Variants in ADAMTS6 observed in about 807,000 individuals in gnomAD.
ADAMTS6 encodes the protein A disintegrin and metalloproteinase with thrombospondin motifs 6.
Under a neutral mutation model 144.3 loss-of-function variants are expected in ADAMTS6, and 23 were observed. That is an observed-to-expected ratio of 0.16 (90% CI 0.11 to 0.23). The LOEUF is 0.23. ADAMTS6 is among the 10% of genes least tolerant of loss of function. ADAMTS6 has a pLI of 1.00. For synonymous variants in ADAMTS6, 444 were observed against 457.5 expected (o/e 0.97, Z 0.38); for missense variants, 999 against 1,379.6 (o/e 0.72, Z 4.37).
chr5:65,457,360 A>T (rs901297141), intron 4 of ADAMTS6, among the ~76,000 whole-genome samples: 3 of 152,238 alleles, frequency 2.0e-5, no homozygotes, highest in Non-Finnish European at 4.4e-5. Flanking sequence ...AAGTGAATTA[A>T]AAACATTGAA....
At chr5:65,340,799 A>G (rs1747748169) in intron 7 of ADAMTS6, among the ~76,000 whole-genome samples, 1 of 152,098 alleles carries the variant, frequency 6.6e-6, no homozygotes, top group African/African-American at 2.4e-5. Context: ...CTCTATTTAT[A>G]TCAGATAAAA....
At chr5:65,431,975 GAA>G (rs1757035348) in intron 7 of ADAMTS6, among the ~76,000 whole-genome samples, 1 of 152,042 alleles carries the variant, frequency 6.6e-6, no homozygotes, top group Non-Finnish European at 1.5e-5. Flanking sequence ...TGAAAGTTGA[GAA>G]GAGATTTTGC....
intron 15 of ADAMTS6, among the ~76,000 whole-genome samples, chr5:65,230,697 G>A (rs1377710087): frequency 1.3e-5 from 1 of 78,826 alleles, no homozygotes; most frequent in Non-Finnish European, 2.4e-5. Flanking sequence ...TAACACATAT[G>A]TATGAAATAT....
intron 7 of ADAMTS6, among the ~76,000 whole-genome samples, chr5:65,369,047 C>T (rs182205843): frequency 1.3e-5 from 2 of 151,946 alleles, no homozygotes; most frequent in African/African-American, 2.4e-5. Flanking sequence ...CAGAGTGAGA[C>T]TGTCTCTACA....
chr5:65,286,281 A>C (rs913886854), intron 11 of ADAMTS6, among the ~76,000 whole-genome samples: 2 of 152,226 alleles, frequency 1.3e-5, no homozygotes, highest in Admixed American at 6.5e-5. Flanking sequence ...TTTAGGTCAT[A>C]GTAATAGTTT....
chr5:65,387,646 G>A (rs765473418), intron 7 of ADAMTS6, among the ~76,000 whole-genome samples: 1 of 152,162 alleles, frequency 6.6e-6, no homozygotes, highest in African/African-American at 2.4e-5. Context: ...GTCACAGAGC[G>A]TGGTAAAGAA....
intron 21 of ADAMTS6, among the ~76,000 whole-genome samples, chr5:65,190,666 CT>C (rs1392866213): frequency 6.6e-6 from 1 of 152,162 alleles, no homozygotes; most frequent in Admixed American, 6.6e-5. Context: ...TTTGTCCCCT[CT>C]TCCATTCCAT....
Position 65,424,271 on chromosome 5 carries a change from T to A in ADAMTS6, c.1073+27204A>T, listed in dbSNP as rs567103995. Among the ~76,000 whole-genome samples, 3 of 152,212 alleles carry A rather than the reference T, an allele frequency of 2.0e-5. No individual in the cohort carries two copies. The East Asian group carries it at 5.8e-4, about 29-fold the overall frequency. On this transcript the variant is annotated intron_variant, in intron 7 of 24. Coordinates refer to ENST00000381055, the MANE Select transcript of ADAMTS6 (RefSeq NM_197941.4). ...TCAAAGCTTTTCTGAAACCCTCTGT[T>A]CCCCAAAAGATCTACTACAGAACTC... is the stretch of plus-strand genomic sequence containing the variant.
chr5:65,302,092 CAA>C (rs1182825165), intron 9 of ADAMTS6, among the ~76,000 whole-genome samples: 4 of 19,974 alleles, frequency 2.0e-4, no homozygotes, highest in Admixed American at 7.7e-4. Context: ...GCTCTGTCTC[CAA>C]AAAAAAAAAA....
chr5:65,288,602 G>A (rs1741972230), intron 11 of ADAMTS6, among the ~76,000 whole-genome samples: 3 of 152,142 alleles, frequency 2.0e-5, no homozygotes, highest in Non-Finnish European at 4.4e-5. Flanking sequence ...ACAGGCGTGA[G>A]CCACCACACC....
chr5:65,466,652 T>C lies in ADAMTS6; in HGVS notation c.462+4126A>G, dbSNP rs140736552. Among the ~76,000 whole-genome samples, 1,441 of 152,264 alleles carry C rather than the reference T, an allele frequency of 9.5e-3. 13 individuals carry two copies. Among genetic ancestry groups the C allele is most frequent in the Non-Finnish European group, 0.015 (1,030 of 68,000 alleles). On this transcript the variant is annotated intron_variant, in intron 3 of 24. Transcript: ENST00000381055. Reference sequence around the variant, plus strand: ...AATGACAACTATGGACATGACTAAATGAACAGAAAGTCTAATGGGATCATT... The same window carrying C: ...AATGACAACTATGGACATGACTAAACGAACAGAAAGTCTAATGGGATCATT...
intron 15 of ADAMTS6, among the ~76,000 whole-genome samples, chr5:65,240,792 A>C (rs965700326): frequency 1.1e-4 from 17 of 152,162 alleles, no homozygotes; most frequent in African/African-American, 3.9e-4. Context: ...ACTTGTAATT[A>C]CAGTCCAAAC....
At chr5:65,372,967 TC>T (rs1376851891) in intron 7 of ADAMTS6, among the ~76,000 whole-genome samples, 1 of 152,080 alleles carries the variant, frequency 6.6e-6, no homozygotes, top group East Asian at 1.9e-4. Flanking sequence ...TCAAAACCAC[TC>T]AACTACATGG....
intron 3 of ADAMTS6, among the ~76,000 whole-genome samples, chr5:65,468,540 A>G (rs1382224783): frequency 6.6e-6 from 1 of 152,144 alleles, no homozygotes; most frequent in Non-Finnish European, 1.5e-5. Context: ...ATTCCTTACG[A>G]ACTGCCAAGG....
chr5:65,247,535 C>G (rs1759737716), intron 14 of ADAMTS6, among the ~76,000 whole-genome samples: 1 of 152,030 alleles, frequency 6.6e-6, no homozygotes, highest in Non-Finnish European at 1.5e-5. Context: ...AAATATACCC[C>G]CAAAACTCTT....
At chr5:65,366,274 T>C (rs1750299078) in intron 7 of ADAMTS6, among the ~76,000 whole-genome samples, 1 of 152,176 alleles carries the variant, frequency 6.6e-6, no homozygotes, top group Non-Finnish European at 1.5e-5. Flanking sequence ...TTTTAAGTTA[T>C]TTACTAATGG....
At chr5:65,373,655 T>C (rs1751206928) in intron 7 of ADAMTS6, among the ~76,000 whole-genome samples, 1 of 152,172 alleles carries the variant, frequency 6.6e-6, no homozygotes, top group Non-Finnish European at 1.5e-5. Context: ...CCAGATGGAT[T>C]CACAGCCGAA....
chr5:65,288,208 A>G (rs1254611906), intron 11 of ADAMTS6, among the ~76,000 whole-genome samples: 2 of 152,196 alleles, frequency 1.3e-5, no homozygotes, highest in Non-Finnish European at 2.9e-5. Context: ...TTGGTAACCC[A>G]GCAATGACTA....
At chr5:65,193,617 T>G (rs1269219560) in intron 21 of ADAMTS6, among the ~76,000 whole-genome samples, 1 of 152,162 alleles carries the variant, frequency 6.6e-6, no homozygotes, top group Non-Finnish European at 1.5e-5. Context: ...GGCATTCTCA[T>G]AGACTGTTAA....
Sources: allele counts gnomAD v4.1 joint callset (sites outside exome capture counted in the v4.1 genomes callset), GRCh38; gene constraint gnomAD v4.1.1; transcripts MANE v1.5; gene names NCBI Gene and HGNC (gene_info 2026-07-23, HGNC 2026-07-21).